The following SLCO3A1 variants were observed in gnomAD, a reference collection of about 807,000 sequenced individuals.
SLCO3A1 encodes solute carrier organic anion transporter family member 3A1.
In SLCO3A1, 27 loss-of-function variants were observed where a neutral mutation model predicts 63.1. The observed-to-expected ratio is 0.43, with a 90% confidence interval of 0.32 to 0.59. The LOEUF (loss-of-function observed/expected upper bound fraction) is 0.59, where lower values mean the gene tolerates loss of function less well. Among genes scored for constraint, SLCO3A1 ranks in the 20% least tolerant of loss-of-function variants. SLCO3A1 has a pLI of 0.09. For synonymous variants in SLCO3A1, 473 were observed against 409.9 expected (o/e 1.15, Z -1.86); for missense variants, 773 against 945.8 (o/e 0.82, Z 2.40).
At chr15:91,899,848 C>T (rs750256843) in intron 1 of SLCO3A1, among the ~76,000 whole-genome samples, 2 of 152,180 alleles carry the variant, frequency 1.3e-5, no homozygotes, top group Non-Finnish European at 2.9e-5. Context: ...CAAACAGAAT[C>T]ATGCAATATA....
intron 2 of SLCO3A1, among the ~76,000 whole-genome samples, chr15:92,012,221 C>T (rs1247870569): frequency 6.6e-6 from 1 of 152,220 alleles, no homozygotes; most frequent in Non-Finnish European, 1.5e-5. Context: ...ATTGTATTTT[C>T]ATCTTCTCAG....
chr15:92,101,334 C>A (rs1177630292), intron 3 of SLCO3A1, among the ~76,000 whole-genome samples: 3 of 152,052 alleles, frequency 2.0e-5, no homozygotes, highest in African/African-American at 7.3e-5. Flanking sequence ...CATGGTGAAA[C>A]CCCATCTCTA....
intron 5 of SLCO3A1, among the ~76,000 whole-genome samples, chr15:92,125,230 C>T (rs2047906786): frequency 6.6e-6 from 1 of 152,080 alleles, no homozygotes; most frequent in Admixed American, 6.5e-5. Flanking sequence ...GGAAAATTGG[C>T]CATGCATCAT....
At position 91,948,715 on chromosome 15, in the gene SLCO3A1, C is replaced by T. The variant is rs1233941515; in HGVS notation, c.646+32257C>T. 6.6e-6 allele frequency among the ~76,000 whole-genome samples: 1 copy of T among 152,152 alleles called. No homozygotes were observed. Among genetic ancestry groups the T allele is most frequent in the Non-Finnish European group, 1.5e-5 (1 of 68,028 alleles). ...AGGGCCGTCCAAGGAATAGGAGAGC[C>T]ATGGCACAGGAAGTGGAAAGTCAGT... On this transcript the variant is annotated intron_variant, in intron 2 of 9. Transcript: ENST00000318445. This position sits in a 1 kb window ranked among gnomAD's most constrained non-coding sequence, Gnocchi z 4.8.
At chr15:92,129,545 G>A (rs150161089) in intron 7 of SLCO3A1, among the ~76,000 whole-genome samples, 4 of 152,154 alleles carry the variant, frequency 2.6e-5, no homozygotes, top group African/African-American at 7.2e-5. Flanking sequence ...ACTTTATTAC[G>A]ATGATTTGCT....
rs547523568 is a variant in SLCO3A1 at position 91,856,815 on chromosome 15, A to G, written c.180+2727A>G. Among the ~76,000 whole-genome samples the G allele has an allele frequency of 7.2e-5, 11 of 152,120 alleles. No homozygotes were observed. The highest frequency in any genetic ancestry group is 1.2e-4 in the Non-Finnish European group (8 of 68,010). On this transcript the variant is annotated intron_variant, in intron 1 of 9. Coordinates refer to ENST00000318445, the MANE Select transcript of SLCO3A1 (RefSeq NM_013272.4). The surrounding 1 kb of genome is among the most constrained non-coding windows in gnomAD (Gnocchi z 4.9). ...AGAGAGGAGGGTGGTTACAAATTCT[A>G]TGCCAACGATGTTATTTCCTATTAG...
In SLCO3A1 at chr15:91,898,212, C is replaced by T. The variant is rs554513358; in HGVS notation, c.181-17781C>T. Among the ~76,000 whole-genome samples, 49 of 152,266 alleles carry T rather than the reference C, an allele frequency of 3.2e-4. No homozygotes were observed. In the South Asian group the frequency reaches 9.6e-3, roughly 30 times the overall value. ...CAACATGCTCTAAGCTTGTCGATCC[C>T]CAGTTAGGCAATAACCACTTTCTCA... is the stretch of plus-strand genomic sequence containing the variant. On this transcript the variant is annotated intron_variant, in intron 1 of 9. Coordinates refer to ENST00000318445, the MANE Select transcript of SLCO3A1 (RefSeq NM_013272.4).
At chr15:91,970,383 G>C (rs1251032841) in intron 2 of SLCO3A1, among the ~76,000 whole-genome samples, 2 of 152,190 alleles carry the variant, frequency 1.3e-5, no homozygotes, top group African/African-American at 2.4e-5. Flanking sequence ...ATCACACCCT[G>C]GAGCAGCCAG....
At chr15:92,136,228 C>T (rs904008116) in intron 7 of SLCO3A1, among the ~76,000 whole-genome samples, 8 of 152,166 alleles carry the variant, frequency 5.3e-5, no homozygotes, top group Non-Finnish European at 8.8e-5. Flanking sequence ...ATAGAAGGCT[C>T]GTAATACAAA....
chr15:91,967,014 G>A lies in SLCO3A1; in HGVS notation c.646+50556G>A, dbSNP rs1008346192. 2.0e-5 allele frequency among the ~76,000 whole-genome samples: 3 copies of A among 151,998 alleles called. No individual in the cohort carries two copies. Among genetic ancestry groups the A allele is most frequent in the African/African-American group, 7.2e-5 (3 of 41,398 alleles). On this transcript the variant is annotated intron_variant, in intron 2 of 9. Transcript: ENST00000318445. The surrounding 1 kb of genome is among the most constrained non-coding windows in gnomAD (Gnocchi z 4.4). ...GGGATTTTTTTTTTTGACAGCAAGA[G>A]AGATGAGATACAATTTGTATTTTTG...
chr15:91,935,474 C>T (rs1054289267), intron 2 of SLCO3A1, among the ~76,000 whole-genome samples: 3 of 152,144 alleles, frequency 2.0e-5, no homozygotes, highest in Non-Finnish European at 4.4e-5. Context: ...GGTGCAAAAG[C>T]CATTCAGCAC....
In SLCO3A1 at chr15:91,860,781, T is replaced by C. The variant is rs1456272370; in HGVS notation, c.180+6693T>C. ...CCAGAGGGGCTCAGGTCTCACGTCT[T>C]GTCTGCTGCCTTCACCTCGTGTTCT... On this transcript the variant is annotated intron_variant, in intron 1 of 9. Coordinates refer to ENST00000318445, the MANE Select transcript of SLCO3A1 (RefSeq NM_013272.4). This position sits in a 1 kb window ranked among gnomAD's most constrained non-coding sequence, Gnocchi z 5.5. Among the ~76,000 whole-genome samples the C allele has an allele frequency of 9.9e-5, 15 of 152,250 alleles. No individual in the cohort carries two copies. The highest frequency in any genetic ancestry group is 9.8e-4 in the Admixed American group (15 of 15,290).
intron 1 of SLCO3A1, among the ~76,000 whole-genome samples, chr15:91,893,889 G>A (rs1464835106): frequency 6.6e-6 from 1 of 152,194 alleles, no homozygotes; most frequent in Admixed American, 6.5e-5. Flanking sequence ...GAACTTGTAC[G>A]CAGGTAGGGA....
At chr15:92,079,704 A>C (rs368079117) in intron 2 of SLCO3A1, among the ~76,000 whole-genome samples, 7 of 152,374 alleles carry the variant, frequency 4.6e-5, no homozygotes, top group African/African-American at 1.4e-4. Context: ...AGAGCAGGGC[A>C]GGTGACTGCC....
At chr15:91,904,040 G>T (rs984881897) in intron 1 of SLCO3A1, among the ~76,000 whole-genome samples, 1 of 58,280 alleles carries the variant, frequency 1.7e-5, no homozygotes, top group Non-Finnish European at 3.1e-5. Context: ...TCGGGTAGAG[G>T]GATCTGTGTT....
downstream of SLCO3A1, chr15:92,170,820 A>T (rs999404955): frequency 1.3e-5 from 2 of 152,222 alleles, no homozygotes; most frequent in African/African-American, 4.8e-5. Context: ...CATCAGCAGG[A>T]ACTTCCCAGC....
intron 4 of SLCO3A1, among the ~76,000 whole-genome samples, chr15:92,110,743 T>C (rs975494466): frequency 1.3e-5 from 2 of 152,188 alleles, no homozygotes; most frequent in Non-Finnish European, 2.9e-5. Context: ...TTTTTTCTCA[T>C]GTCCTGGTAC....
rs2047046571 is a variant in SLCO3A1 at position 92,058,368 on chromosome 15, C to T, written c.647-36513C>T. Among the ~76,000 whole-genome samples the T allele has an allele frequency of 2.0e-5, 3 of 152,118 alleles. No individual in the cohort carries two copies. In the South Asian group the frequency reaches 6.2e-4, roughly 32 times the overall value. Reference sequence around the variant, plus strand: ...ATGGGGTTCATTATTGAGTTTTTCCCCTTTTATTCTGTAAGTTAAAATCAA... The same window carrying T: ...ATGGGGTTCATTATTGAGTTTTTCCTCTTTTATTCTGTAAGTTAAAATCAA... On this transcript the variant is annotated intron_variant, in intron 2 of 9. Transcript: ENST00000318445.
intron 2 of SLCO3A1, among the ~76,000 whole-genome samples, chr15:92,032,174 C>A (rs139128561): frequency 0.01 from 1,569 of 152,246 alleles, 30 homozygotes; most frequent in African/African-American, 0.036. Context: ...AGAATGAGTT[C>A]TCTAAGAAAA....
Sources: allele counts gnomAD v4.1 joint callset (sites outside exome capture counted in the v4.1 genomes callset), GRCh38; gene constraint gnomAD v4.1.1; non-coding constraint Gnocchi (gnomAD v3.1); transcripts MANE v1.5; gene names NCBI Gene and HGNC (gene_info 2026-07-23, HGNC 2026-07-21).